The following QTMAN variants were observed in gnomAD, a reference collection of about 807,000 sequenced individuals.
QTMAN encodes the protein queuosine-tRNA mannosyltransferase.
At chr2:144,058,031 A>G in the QTMAN span, among the ~76,000 whole-genome samples, 4 of 151,956 alleles carry the variant, frequency 2.6e-5, no homozygotes, top group Admixed American at 6.6e-5. Context: ...GTCCAGAGAA[A>G]GCAAGGTAAC....
the QTMAN span, among the ~76,000 whole-genome samples, chr2:143,984,917 T>A: frequency 1.3e-5 from 2 of 152,156 alleles, no homozygotes; most frequent in Non-Finnish European, 2.9e-5. Flanking sequence ...TTCATTCAGG[T>A]TACCTGATTC....
At chr2:143,973,626 T>C in the QTMAN span, among the ~76,000 whole-genome samples, 1 of 151,706 alleles carries the variant, frequency 6.6e-6, no homozygotes, top group Non-Finnish European at 1.5e-5. Flanking sequence ...CCGTCTCTAC[T>C]AAAAATATAA....
At chr2:144,010,062 C>CA in the QTMAN span, among the ~76,000 whole-genome samples, 12,045 of 74,428 alleles carry the variant, frequency 0.16, 809 homozygotes, top group East Asian at 0.34. Flanking sequence ...AAGGATTCAC[C>CA]AAAAAAAAAA....
At chr2:144,107,872 C>T in the QTMAN span, among the ~76,000 whole-genome samples, 1 of 152,090 alleles carries the variant, frequency 6.6e-6, no homozygotes, top group Non-Finnish European at 1.5e-5. Flanking sequence ...ACTGGCAAAC[C>T]GAATCCAGCA....
At chr2:144,087,754 T>G in the QTMAN span, among the ~76,000 whole-genome samples, 2 of 152,078 alleles carry the variant, frequency 1.3e-5, no homozygotes, top group Non-Finnish European at 2.9e-5. Context: ...TCAAAGTCCT[T>G]TCATTATAAA....
chr2:144,170,041 T>C, the QTMAN span, among the ~76,000 whole-genome samples: 226 of 152,294 alleles, frequency 1.5e-3, 1 homozygote, highest in East Asian at 0.033. Context: ...ATTTTCATAA[T>C]ATAATTTTGA....
chr2:143,949,267 A>C, the QTMAN span, among the ~76,000 whole-genome samples: 2 of 151,984 alleles, frequency 1.3e-5, no homozygotes, highest in African/African-American at 4.8e-5. Flanking sequence ...TTTAAGAAAA[A>C]AAGTAAATTC....
chr2:144,026,833 C>T, the QTMAN span, among the ~76,000 whole-genome samples: 2 of 152,152 alleles, frequency 1.3e-5, no homozygotes, highest in Non-Finnish European at 2.9e-5. Flanking sequence ...ATCCTCATTA[C>T]CATCATCAAA....
chr2:144,278,818 A>C, the QTMAN span, among the ~76,000 whole-genome samples: 5 of 152,260 alleles, frequency 3.3e-5, no homozygotes, highest in South Asian at 1.0e-3. Context: ...TGTAGAGTCA[A>C]GTGTGATGTT....
At chr2:144,133,237 T>TA in the QTMAN span, among the ~76,000 whole-genome samples, 12 of 58,872 alleles carry the variant, frequency 2.0e-4, no homozygotes, top group Non-Finnish European at 3.3e-4. Context: ...ATATTTATAT[T>TA]TATATATAAA....
the QTMAN span, among the ~76,000 whole-genome samples, chr2:144,185,096 T>G: frequency 6.6e-6 from 1 of 152,140 alleles, no homozygotes; most frequent in Non-Finnish European, 1.5e-5. Context: ...AGAAAAAATA[T>G]TGCACTATTT....
chr2:144,029,746 T>A, the QTMAN span, among the ~76,000 whole-genome samples: 3 of 152,320 alleles, frequency 2.0e-5, no homozygotes, highest in Admixed American at 6.5e-5. Context: ...TTCCTTTTTT[T>A]TCACTTTCTC....
At chr2:144,211,325 G>C in the QTMAN span, 1 of 152,650 alleles carries the variant, frequency 6.6e-6, no homozygotes, top group Non-Finnish European at 1.5e-5. Flanking sequence ...GAAATGTACA[G>C]GTTTGAACTA....
At chr2:144,316,821 A>G in the QTMAN span, among the ~76,000 whole-genome samples, 2 of 152,218 alleles carry the variant, frequency 1.3e-5, no homozygotes, top group African/African-American at 2.4e-5. Flanking sequence ...CTAATAACTT[A>G]TCAGACAATC....
chr2:144,103,086 G>T, the QTMAN span, among the ~76,000 whole-genome samples: 1 of 152,186 alleles, frequency 6.6e-6, no homozygotes, highest in African/African-American at 2.4e-5. Flanking sequence ...TTGGATGGTG[G>T]TGATGATGAA....
At chr2:144,246,579 CAA>C in the QTMAN span, among the ~76,000 whole-genome samples, 66 of 47,056 alleles carry the variant, frequency 1.4e-3, no homozygotes, top group African/African-American at 5.1e-3. Flanking sequence ...GACTCCGTCT[CAA>C]AAAAAAAAAA....
chr2:143,987,883 G>A, the QTMAN span, among the ~76,000 whole-genome samples: 10 of 152,138 alleles, frequency 6.6e-5, no homozygotes, highest in South Asian at 2.1e-4. Context: ...CCAACTTCCC[G>A]CAACCCCAAA....
At chr2:144,298,226 G>A in the QTMAN span, among the ~76,000 whole-genome samples, 2 of 151,882 alleles carry the variant, frequency 1.3e-5, no homozygotes, top group Non-Finnish European at 2.9e-5. Flanking sequence ...CACTGTGTTA[G>A]CCAGGATGGT....
At chr2:144,187,261 C>T in the QTMAN span, among the ~76,000 whole-genome samples, 2 of 152,178 alleles carry the variant, frequency 1.3e-5, no homozygotes, top group African/African-American at 4.8e-5. Context: ...AAGGGCATGG[C>T]CCTGGCTTCT....
Sources: allele counts gnomAD v4.1 joint callset (sites outside exome capture counted in the v4.1 genomes callset), GRCh38; gene constraint gnomAD v4.1.1; transcripts MANE v1.5; gene names NCBI Gene and HGNC (gene_info 2026-07-23, HGNC 2026-07-21).